Variants in CNKSR2 observed in about 807,000 individuals in gnomAD.
CNKSR2 encodes CNK homolog protein 2.
A neutral mutation model predicts 84.4 loss-of-function variants in CNKSR2; 14 were observed. That is an observed-to-expected ratio of 0.17 (90% CI 0.11 to 0.26). The LOEUF is 0.26. Ranked by LOEUF, CNKSR2 falls within the 10% of genes least tolerant of loss-of-function variation. The pLI is 1.00. For synonymous variants in CNKSR2, 275 were observed against 277.9 expected, an observed-to-expected ratio of 0.99 and a Z score of 0.10; for missense variants, 485 against 771.2, an observed-to-expected ratio of 0.63 and a Z score of 4.40.
At chrX:21,406,439 T>C (rs1313022168) in intron 1 of CNKSR2, among the ~76,000 whole-genome samples, 1 of 111,603 alleles carries the variant, frequency 9.0e-6, no homozygotes, top group Non-Finnish European at 1.9e-5. Context: ...AAAAATGTAG[T>C]TTTAGCCATA....
chrX:21,486,257 C>T (rs760380128), intron 5 of CNKSR2, among the ~76,000 whole-genome samples: 30 of 112,186 alleles, frequency 2.7e-4, no homozygotes, highest in Non-Finnish European at 5.1e-4. Flanking sequence ...TCTAAGTTTT[C>T]CCAGACAGCC....
intron 8 of CNKSR2, among the ~76,000 whole-genome samples, chrX:21,514,415 C>G (rs1486085999): frequency 1.8e-5 from 2 of 111,687 alleles, no homozygotes; most frequent in Admixed American, 1.9e-4. Context: ...TAAATAACAT[C>G]AGCTGTAAAA....
chrX:21,487,641 T>C (rs924103404), intron 5 of CNKSR2, among the ~76,000 whole-genome samples: 1 of 111,742 alleles, frequency 8.9e-6, no homozygotes. Context: ...AGAATGAAAA[T>C]ATAACCACAT....
chrX:21,543,059 A>G (rs1456326700), intron 11 of CNKSR2, among the ~76,000 whole-genome samples: 1 of 112,725 alleles, frequency 8.9e-6, no homozygotes, highest in African/African-American at 3.2e-5. Flanking sequence ...TGAGTGACAT[A>G]TAGCAGTATG....
intron 5 of CNKSR2, among the ~76,000 whole-genome samples, chrX:21,484,698 T>A (rs775551234): frequency 8.9e-6 from 1 of 112,058 alleles, no homozygotes; most frequent in East Asian, 2.8e-4. Context: ...AAAGATATTT[T>A]TATTCATTTG....
intron 12 of CNKSR2, among the ~76,000 whole-genome samples, chrX:21,561,906 G>A (rs961242973): frequency 9.1e-6 from 1 of 109,996 alleles, no homozygotes; most frequent in Non-Finnish European, 1.9e-5. Flanking sequence ...AGTCCTCATC[G>A]GTCTGCAATG....
At chrX:21,566,406 AT>A (rs1480492697) in intron 13 of CNKSR2, among the ~76,000 whole-genome samples, 1 of 112,115 alleles carries the variant, frequency 8.9e-6, no homozygotes, top group Admixed American at 9.5e-5. Flanking sequence ...TTATTTAAAA[AT>A]GAAAGGCTTT....
chrX:21,459,253 A>T (rs2091031764), intron 4 of CNKSR2, among the ~76,000 whole-genome samples: 1 of 110,546 alleles, frequency 9.0e-6, no homozygotes, highest in Non-Finnish European at 1.9e-5. Flanking sequence ...CGAACTTCTG[A>T]CCTCAAGTGA....
At chrX:21,556,284 A>T (rs1311157754) in intron 11 of CNKSR2, among the ~76,000 whole-genome samples, 1 of 111,325 alleles carries the variant, frequency 9.0e-6, no homozygotes, top group Non-Finnish European at 1.9e-5. Context: ...CACAGTAGAC[A>T]GTAGAAAAGT....
intron 1 of CNKSR2, among the ~76,000 whole-genome samples, chrX:21,419,933 A>G (rs1182474275): frequency 8.9e-6 from 1 of 112,276 alleles, no homozygotes; most frequent in African/African-American, 3.2e-5. Flanking sequence ...CTGAGGCTCT[A>G]CAGTCAGCAA....
chrX:21,446,828 T>C (rs2090862881), intron 4 of CNKSR2, among the ~76,000 whole-genome samples: 1 of 111,564 alleles, frequency 9.0e-6, no homozygotes, highest in Admixed American at 9.5e-5. Flanking sequence ...CTTTCTTCAC[T>C]GTATTACATT....
chrX:21,515,557 T>TA (rs1008069417), intron 8 of CNKSR2, among the ~76,000 whole-genome samples: 11 of 110,739 alleles, frequency 9.9e-5, no homozygotes, highest in Admixed American at 2.9e-4. Context: ...GAATTTTTTT[T>TA]AAAAAAAACT....
intron 11 of CNKSR2, among the ~76,000 whole-genome samples, chrX:21,555,182 A>C (rs2092128650): frequency 9.1e-6 from 1 of 109,960 alleles, no homozygotes. Context: ...TCCTTTGCCC[A>C]CTTTTTTTAT....
intron 4 of CNKSR2, among the ~76,000 whole-genome samples, chrX:21,442,679 T>A (rs2090799945): frequency 9.0e-6 from 1 of 111,622 alleles, no homozygotes; most frequent in Non-Finnish European, 1.9e-5. Flanking sequence ...ACAGAAATAA[T>A]CACCTCTACC....
intron 11 of CNKSR2, among the ~76,000 whole-genome samples, chrX:21,546,609 G>A (rs1194440688): frequency 1.8e-5 from 2 of 110,484 alleles, no homozygotes; most frequent in Non-Finnish European, 3.8e-5. Flanking sequence ...GAAAAGCAAC[G>A]CCAGGACACA....
At chrX:21,479,076 A>AC (rs2091288852) in intron 5 of CNKSR2, among the ~76,000 whole-genome samples, 2 of 111,332 alleles carry the variant, frequency 1.8e-5, no homozygotes, top group Admixed American at 1.9e-4. Context: ...CCACTCTTCT[A>AC]AGTCCCCAGT....
rs1287121429 is a variant in CNKSR2 at position 21,644,193 on chromosome X, C to G, written c.2693-4638C>G. ...GAATGTCTCTCAAATCTGACTATGT[C>G]CAGTCTTCTCTACCATTTGTGATTT... On this transcript the variant is annotated intron_variant, in intron 20 of 21. Transcript: ENST00000379510. 3 of 111,656 alleles carry G rather than the reference C, an allele frequency of 2.7e-5. No individual in the cohort carries two copies. In the East Asian group the frequency reaches 8.4e-4, roughly 31 times the overall value. The allele number at this position is 111,656 out of a possible 1,213,427, so 9.2% of individuals were successfully genotyped here.
In CNKSR2 at chrX:21,409,389, G is replaced by C. The variant is rs7471508; in HGVS notation, c.65-17108G>C. 9.5e-3 allele frequency among the ~76,000 whole-genome samples: 987 copies of C among 104,326 alleles called. 13 individuals are homozygous for C. The highest frequency in any genetic ancestry group is 0.031 in the African/African-American group (894 of 28,852). 90.6% of individuals were successfully genotyped at this position (104,326 alleles called of 115,157 possible). A position where few individuals can be genotyped will look rare whatever the true frequency, so the allele number is the denominator to read the frequency against. ...GAAGTTTTTGCTCCTTCCTTTCTGA[G>C]TTTCAGGTATTTCTTCTGATTCCTA... On this transcript the variant is annotated intron_variant, in intron 1 of 21. Transcript: ENST00000379510.
intron 13 of CNKSR2, among the ~76,000 whole-genome samples, chrX:21,575,328 T>A (rs951273499): frequency 9.0e-6 from 1 of 111,117 alleles, no homozygotes; most frequent in Non-Finnish European, 1.9e-5. Flanking sequence ...TTGGTTTTTT[T>A]ATTAAAAAAA....
Sources: gnomAD v4.1 joint callset for allele counts (sites outside exome capture counted in the v4.1 genomes callset) on GRCh38, gnomAD v4.1.1 for gene constraint, MANE v1.5 for transcripts, NCBI Gene and HGNC (gene_info 2026-07-23, HGNC 2026-07-21) for gene names.